NEO1: variants seen among roughly 807,000 people sequenced by gnomAD.
The protein encoded by NEO1 is neogenin 1.
Under a neutral mutation model 159.7 loss-of-function variants are expected in NEO1, and 63 were observed. The observed-to-expected ratio is 0.39, with a 90% CI of 0.32 to 0.49. NEO1 has a LOEUF of 0.49. Among genes scored for constraint, NEO1 ranks in the 20% least tolerant of loss-of-function variants. The pLI is 0.85. For missense variants in NEO1, 1,615 were observed against 1,831.0 expected (o/e 0.88, Z 2.15); for synonymous variants, 633 against 662.0 (o/e 0.96, Z 0.67).
chr15:73,237,130 AGTGT>A (rs2039222827), intron 8 of NEO1, among the ~76,000 whole-genome samples: 1 of 140,164 alleles, frequency 7.1e-6, no homozygotes, highest in African/African-American at 2.5e-5. Context: ...CTTTTTTTCC[AGTGT>A]GTCCTCTTCA....
chr15:73,137,773 A>G (rs1459552437), intron 5 of NEO1, among the ~76,000 whole-genome samples: 1 of 152,262 alleles, frequency 6.6e-6, no homozygotes, highest in African/African-American at 2.4e-5. Context: ...CTGGGATTAT[A>G]GGCATGAGCC....
chr15:73,264,020 T>C (rs577504427), intron 15 of NEO1, among the ~76,000 whole-genome samples: 1 of 152,074 alleles, frequency 6.6e-6, no homozygotes, highest in East Asian at 1.9e-4. Flanking sequence ...ACCTCATCTC[T>C]ACAAAAAATT....
chr15:73,199,277 G>A (rs1348873593), intron 7 of NEO1, among the ~76,000 whole-genome samples: 1 of 151,162 alleles, frequency 6.6e-6, no homozygotes, highest in East Asian at 1.9e-4. Flanking sequence ...CACATTGAGG[G>A]CACATGCTCT....
chr15:73,088,835 G>A (rs967863158), intron 1 of NEO1, among the ~76,000 whole-genome samples: 9 of 152,054 alleles, frequency 5.9e-5, no homozygotes, highest in African/African-American at 2.2e-4. Flanking sequence ...GCGTGAAATA[G>A]AGAAGATGAA....
intron 7 of NEO1, among the ~76,000 whole-genome samples, chr15:73,202,224 A>C (rs939731305): frequency 6.6e-6 from 1 of 151,952 alleles, no homozygotes; most frequent in African/African-American, 2.4e-5. Context: ...CAGCCTCCCA[A>C]ATTGCTGGGA....
chr15:73,086,229 T>C (rs1184834419), intron 1 of NEO1, among the ~76,000 whole-genome samples: 1 of 152,222 alleles, frequency 6.6e-6, no homozygotes, highest in Non-Finnish European at 1.5e-5. Flanking sequence ...CAGAAATCAG[T>C]TGACCATAGT....
intron 27 of NEO1, chr15:73,300,016 T>G (rs2042552010): frequency 6.6e-6 from 1 of 152,240 alleles, no homozygotes; most frequent in Non-Finnish European, 1.5e-5. Flanking sequence ...ATATTCATAC[T>G]TCATTCCATT....
At position 73,151,557 on chromosome 15, in the gene NEO1, C is replaced by T. The variant is rs564392043; in HGVS notation, c.1015+15530C>T. ...CAGTTCTGCAGGGCTAGGGAGGCCT[C>T]GGGAAACTTAGAATCATAGTGGAAG... On this transcript the variant is annotated intron_variant, in intron 5 of 28. Coordinates refer to ENST00000261908, the MANE Select transcript of NEO1 (RefSeq NM_002499.4). Among the ~76,000 whole-genome samples the T allele has an allele frequency of 5.9e-5, 9 of 152,232 alleles. No homozygotes were observed. The South Asian group carries it at 1.7e-3, about 28-fold the overall frequency.
intron 6 of NEO1, among the ~76,000 whole-genome samples, 182 bp downstream of exon 6, chr15:73,176,739 G>A (rs2035298802): frequency 1.3e-5 from 2 of 152,042 alleles, no homozygotes; most frequent in South Asian, 4.1e-4. Context: ...AAATACTTTG[G>A]TAGCTTATGT....
chr15:73,059,056 C>G (rs960458928), intron 1 of NEO1, among the ~76,000 whole-genome samples: 4 of 151,972 alleles, frequency 2.6e-5, no homozygotes, highest in Admixed American at 6.6e-5. Flanking sequence ...GTAAAAATAG[C>G]TTTAGGGCTG....
chr15:73,073,235 G>A (rs568644953), intron 1 of NEO1, among the ~76,000 whole-genome samples: 1 of 152,296 alleles, frequency 6.6e-6, no homozygotes, highest in Admixed American at 6.5e-5. Context: ...ATCTGATTCT[G>A]CTGGCAGAAT....
At chr15:73,217,612 G>A (rs1030364166) in intron 7 of NEO1, among the ~76,000 whole-genome samples, 3 of 152,170 alleles carry the variant, frequency 2.0e-5, no homozygotes, top group Non-Finnish European at 2.9e-5. Flanking sequence ...TCATTGAGCA[G>A]TGGTTTGTAG....
chr15:73,178,083 G>A (rs908027587), intron 6 of NEO1, among the ~76,000 whole-genome samples: 3 of 152,292 alleles, frequency 2.0e-5, no homozygotes, highest in East Asian at 1.9e-4. Context: ...CATGCGTTAA[G>A]TTCTTCATCG....
chr15:73,244,954 CAAAAAAAAAAAAAAAAAAAAA>C (rs57566986), intron 9 of NEO1, among the ~76,000 whole-genome samples: 1 of 16,514 alleles, frequency 6.1e-5, no homozygotes, highest in Non-Finnish European at 1.1e-4. Flanking sequence ...GACTCTGTCT[CAAAAAAAAAAAAAAAAAAAAA>C]AAAAAAAACA....
At chr15:73,258,917 T>A (rs1567625053) in intron 14 of NEO1, 41 bp downstream of exon 14, 1 of 1,521,456 alleles carries the variant, frequency 6.6e-7, no homozygotes, top group Non-Finnish European at 9.1e-7. Context: ...CAATAGATAC[T>A]AGCTGTAGTC....
intron 1 of NEO1, among the ~76,000 whole-genome samples, chr15:73,065,594 A>G (rs1178796891): frequency 1.3e-5 from 2 of 152,088 alleles, no homozygotes; most frequent in Non-Finnish European, 2.9e-5. Context: ...TTTGTGAGTA[A>G]TGTGCTTACC....
At chr15:73,165,337 A>G (rs748699160) in intron 5 of NEO1, among the ~76,000 whole-genome samples, 2 of 152,084 alleles carry the variant, frequency 1.3e-5, no homozygotes, top group Non-Finnish European at 2.9e-5. Flanking sequence ...TGTTCTGTAC[A>G]CCTTTTATAC....
At chr15:73,058,656 C>T (rs1357740095) in intron 1 of NEO1, among the ~76,000 whole-genome samples, 1 of 152,156 alleles carries the variant, frequency 6.6e-6, no homozygotes, top group African/African-American at 2.4e-5. Flanking sequence ...ATTCCATTGA[C>T]TAATACTTTC....
rs539401115 is a variant in NEO1 at position 73,116,241 on chromosome 15, A to G, written c.131-299A>G. Among the ~76,000 whole-genome samples the G allele has an allele frequency of 7.2e-5, 11 of 152,300 alleles. 1 individual carries two copies. The South Asian group carries it at 2.1e-3, about 29-fold the overall frequency. ...AATGCAGTAACTTAAAGTATTTATAAATCTGATTCTAGGGTTTGAAATAAA... is the reference window on the plus strand; with the variant it reads ...AATGCAGTAACTTAAAGTATTTATAGATCTGATTCTAGGGTTTGAAATAAA... On this transcript the variant is annotated intron_variant, in intron 1 of 28. Transcript: ENST00000261908.
Sources: gnomAD v4.1 joint callset for allele counts (sites outside exome capture counted in the v4.1 genomes callset) on GRCh38, gnomAD v4.1.1 for gene constraint, MANE v1.5 for transcripts, NCBI Gene and HGNC (gene_info 2026-07-23, HGNC 2026-07-21) for gene names.